Variants in KLF7 observed in about 807,000 individuals in gnomAD.
KLF7 encodes the protein KLF transcription factor 7.
Under a neutral mutation model 27.3 loss-of-function variants are expected in KLF7, and 2 were observed. The ratio of observed to expected loss-of-function variants is 0.07; its 90% CI spans 0.03 to 0.23. The LOEUF (loss-of-function observed/expected upper bound fraction) is 0.23, where lower values mean the gene tolerates loss of function less well. KLF7 is among the 10% of genes least tolerant of loss of function. The pLI is 1.00. For synonymous variants in KLF7, 165 were observed against 162.4 expected, an observed-to-expected ratio of 1.02 and a Z score of -0.12; for missense variants, 221 against 394.1, an observed-to-expected ratio of 0.56 and a Z score of 3.72.
chr2:207,116,994 T>C (rs1295295260), intron 2 of KLF7, among the ~76,000 whole-genome samples: 1 of 152,212 alleles, frequency 6.6e-6, no homozygotes, highest in Non-Finnish European at 1.5e-5. Flanking sequence ...GAGGGACTAG[T>C]GTATGTACAG....
chr2:207,150,799 C>T (rs1466823061), intron 1 of KLF7, among the ~76,000 whole-genome samples: 5 of 152,040 alleles, frequency 3.3e-5, no homozygotes, highest in Admixed American at 6.5e-5. Flanking sequence ...CAATCATTCC[C>T]CTATTGTTTT....
chr2:207,088,764 T>C (rs2076446097), intron 2 of KLF7, among the ~76,000 whole-genome samples, 183 bp from the exon 3 acceptor site: 1 of 152,162 alleles, frequency 6.6e-6, no homozygotes, highest in Non-Finnish European at 1.5e-5. Context: ...TCCTGGTGTT[T>C]TGTTTTTTGT....
Position 207,077,274 on chromosome 2 carries a change from C to G in KLF7, c.*3939G>C, listed in dbSNP as rs1022539848. 1.3e-5 allele frequency: 2 copies of G among 152,118 alleles called. No homozygotes were observed. The highest frequency in any genetic ancestry group is 4.8e-5 in the African/African-American group (2 of 41,392). The allele number at this position is 152,118 out of a possible 1,614,324, so 9.4% of individuals were successfully genotyped here. A position where few individuals can be genotyped will look rare whatever the true frequency, so the allele number is the denominator to read the frequency against. On this transcript the variant is annotated 3_prime_UTR_variant, in exon 4 of 4. Coordinates refer to ENST00000309446, the MANE Select transcript of KLF7 (RefSeq NM_003709.4). ...GCACTGGAAGAGCCATCCAAAAGCCCCATTTCTTTCCCCTTTGATGCAAAT... is the reference window on the plus strand; with the variant it reads ...GCACTGGAAGAGCCATCCAAAAGCCGCATTTCTTTCCCCTTTGATGCAAAT...
intron 1 of KLF7, among the ~76,000 whole-genome samples, chr2:207,156,628 T>A (rs1304334873): frequency 6.6e-6 from 1 of 152,250 alleles, no homozygotes; most frequent in Non-Finnish European, 1.5e-5. Context: ...ATATGGAATT[T>A]GACCAGGTTA....
At chr2:207,164,455 C>CT (rs1359102650) in intron 1 of KLF7, among the ~76,000 whole-genome samples, 1 of 148,526 alleles carries the variant, frequency 6.7e-6, no homozygotes, top group African/African-American at 2.6e-5. Context: ...TGTCCCCCCG[C>CT]CCCCACCCAC....
intron 2 of KLF7, among the ~76,000 whole-genome samples, chr2:207,118,200 G>C (rs974472658): frequency 6.6e-6 from 1 of 152,080 alleles, no homozygotes; most frequent in Non-Finnish European, 1.5e-5. Flanking sequence ...ATTTGATAGG[G>C]ACAGAATATT....
rs1022426848 is a variant in KLF7, at chr2:207,077,091, A to G, written c.*4122T>C. 6 of 152,232 alleles carry G rather than the reference A, an allele frequency of 3.9e-5. No individual in the cohort carries two copies. The highest frequency in any genetic ancestry group is 3.9e-4 in the Admixed American group (6 of 15,288). The allele number at this position is 152,232 out of a possible 1,614,324, so 9.4% of individuals were successfully genotyped here. A position where few individuals can be genotyped will look rare whatever the true frequency, so the allele number is the denominator to read the frequency against. On this transcript the variant is annotated 3_prime_UTR_variant, in exon 4 of 4. Coordinates refer to ENST00000309446, the MANE Select transcript of KLF7 (RefSeq NM_003709.4). ...CTCATGCAAAAGAGAAGACAGAAGC[A>G]CTTCCCACTTTTTACTTAACATTTT...
chr2:207,153,657 G>GA (rs908205817), intron 1 of KLF7, among the ~76,000 whole-genome samples: 91 of 150,008 alleles, frequency 6.1e-4, no homozygotes, highest in Non-Finnish European at 7.0e-4. Flanking sequence ...AATTCCAGGG[G>GA]AAAAAAAAAC....
chr2:207,148,923 C>T (rs1366331388), intron 1 of KLF7: 2 of 794,472 alleles, frequency 2.5e-6, no homozygotes, highest in Non-Finnish European at 3.2e-6. Flanking sequence ...CCACCCTCAC[C>T]TGATTCCCCA....
upstream of KLF7, among the ~76,000 whole-genome samples, chr2:207,170,626 A>G (rs73985511): frequency 0.083 from 12,690 of 152,220 alleles, 1,774 homozygotes; most frequent in African/African-American, 0.29. Context: ...CTTGAAGGCA[A>G]TGCTCATTTA....
rs199585184 is a variant in KLF7 at position 207,090,390 on chromosome 2, C to A, written c.734-1809G>T. ...AGTCAGCCTACTTGGGATCTTGCTGCGTTCATTCCAGACTCTAGAACTCAG... is the reference window on the plus strand; with the variant it reads ...AGTCAGCCTACTTGGGATCTTGCTGAGTTCATTCCAGACTCTAGAACTCAG... On this transcript the variant is annotated intron_variant, in intron 2 of 3. Coordinates refer to ENST00000309446, the MANE Select transcript of KLF7 (RefSeq NM_003709.4). Among the ~76,000 whole-genome samples the A allele has an allele frequency of 2.0e-5, 3 of 152,200 alleles. No individual in the cohort carries two copies. The East Asian group carries it at 5.8e-4, about 29-fold the overall frequency.
intron 1 of KLF7, among the ~76,000 whole-genome samples, chr2:207,157,219 T>TGAAAAAAAAA (rs1491268311): frequency 1.1e-5 from 1 of 87,312 alleles, no homozygotes; most frequent in South Asian, 4.1e-4. Flanking sequence ...AACAGAAAAG[T>TGAAAAAAAAA]AAAAAAAAAA....
Position 207,124,310 on chromosome 2 carries a change from G to T in KLF7, c.197C>A (p.Pro66His). 6.2e-7 allele frequency: 1 copy of T among 1,613,222 alleles called. No homozygotes were observed. Among genetic ancestry groups the T allele is most frequent in the Middle Eastern group, 1.7e-4 (1 of 6,058 alleles). ...GAAGCTTTCCTCAATGCACGGGGGA[G>T]GGGAAGCGTGGAGGAAACAGTCCAA... ...EDLDCFLHAS[P>H]PPCIEESFRR... Residue 66 changes from proline (P) to histidine (H), a missense_variant, in exon 2 of 4, where the codon CCT becomes CAT. Pro to His is a moderately conservative substitution (Grantham distance 77). Around this residue, in one of 3 missense-constraint regions of KLF7, gnomAD observed 180 missense variants for 227.9 expected, o/e 0.79. Transcript: ENST00000309446.
rs565625696 is a variant in KLF7 at position 207,156,554 on chromosome 2, G to A, written c.102+8913C>T. The stretch of plus-strand genomic sequence containing the variant: ...GGAAAATCATGGCCAAGGGCCTACT[G>A]AGAATGAATTGTTTGAAACCCAGCA... On this transcript the variant is annotated intron_variant, in intron 1 of 3. Transcript: ENST00000309446. Among the ~76,000 whole-genome samples, 4 of 152,340 alleles carry A rather than the reference G, an allele frequency of 2.6e-5. No individual in the cohort carries two copies. In the South Asian group the frequency reaches 8.3e-4, roughly 32 times the overall value.
chr2:207,126,480 AG>A (rs1292313346), intron 1 of KLF7, among the ~76,000 whole-genome samples: 1 of 152,150 alleles, frequency 6.6e-6, no homozygotes, highest in Non-Finnish European at 1.5e-5. Flanking sequence ...TACCATGCTG[AG>A]GGGGCAATTT....
At chr2:207,111,820 C>CAT (rs2077046575) in intron 2 of KLF7, among the ~76,000 whole-genome samples, 2 of 152,124 alleles carry the variant, frequency 1.3e-5, no homozygotes, top group Non-Finnish European at 2.9e-5. Flanking sequence ...GGTTAATAAC[C>CAT]ATGACCACCT....
Position 207,124,358 on chromosome 2 carries a change from A to T in KLF7, c.149T>A (p.Ile50Asn), listed in dbSNP as rs1382181220. 2 of 1,593,848 alleles carry T rather than the reference A, an allele frequency of 1.3e-6. No individual in the cohort carries two copies. The highest frequency in any genetic ancestry group is 1.7e-6 in the Non-Finnish European group (2 of 1,165,674). Reference protein sequence around the residue: ...ERYLQTEPRRISETFGEDLDC... With the variant: ...ERYLQTEPRRNSETFGEDLDC... ...CAAGTCCTCACCAAAGGTCTCTGAG[A>T]TCCTCCGGGGCTCCGTCTGTAGGTA... is the stretch of plus-strand genomic sequence containing the variant. Residue 50 changes from isoleucine to asparagine, a missense_variant, in exon 2 of 4, where the codon ATC becomes AAC. This residue lies in a region of KLF7 where 180 missense variants were observed against 227.9 expected (regional missense o/e 0.79). Coordinates refer to ENST00000309446, the MANE Select transcript of KLF7 (RefSeq NM_003709.4).
At chr2:207,137,837 T>G (rs1211363366) in intron 1 of KLF7, among the ~76,000 whole-genome samples, 2 of 152,184 alleles carry the variant, frequency 1.3e-5, no homozygotes, top group African/African-American at 2.4e-5. Flanking sequence ...ATCTTTCCCA[T>G]CCTGGCTGGG....
chr2:207,143,408 C>T (rs1297591108), intron 1 of KLF7, among the ~76,000 whole-genome samples: 1 of 150,628 alleles, frequency 6.6e-6, no homozygotes, highest in Non-Finnish European at 1.5e-5. Context: ...AAAAAAAAAT[C>T]CCTCCATTTA....
Sources: gnomAD v4.1 joint callset for allele counts (sites outside exome capture counted in the v4.1 genomes callset) on GRCh38, gnomAD v4.1.1 for gene constraint, gnomAD v4.1.1 regional missense constraint, MANE v1.5 for transcripts, NCBI Gene and HGNC (gene_info 2026-07-23, HGNC 2026-07-21) for gene names.